DNAH11: variants seen among roughly 807,000 people sequenced by gnomAD.
The protein encoded by DNAH11 is dynein axonemal heavy chain 11, also known as axonemal beta dynein heavy chain 11.
Under a neutral mutation model 526.0 loss-of-function variants are expected in DNAH11, and 442 were observed. The observed-to-expected ratio is 0.84, with a 90% CI of 0.78 to 0.91. DNAH11 has a LOEUF of 0.91. Among genes scored for constraint, DNAH11 ranks in the 40% least tolerant of loss-of-function variants. DNAH11 has a pLI of 0.00. For synonymous variants in DNAH11, 2,461 were observed against 1,935.9 expected (o/e 1.27, Z -7.12); for missense variants, 6,989 against 5,448.7 (o/e 1.28, Z -8.90).
chr7:21,679,977 G>A (rs1052140540), intron 30 of DNAH11, among the ~76,000 whole-genome samples: 12 of 152,140 alleles, frequency 7.9e-5, no homozygotes, highest in South Asian at 6.2e-4. Context: ...CCATTCACTC[G>A]TCATTTAGCA....
intron 54 of DNAH11, among the ~76,000 whole-genome samples, chr7:21,759,012 T>A (rs887709880): frequency 1.3e-5 from 2 of 152,184 alleles, no homozygotes; most frequent in African/African-American, 2.4e-5. Context: ...AAAATAGGCA[T>A]CTGATTTTCT....
intron 55 of DNAH11, among the ~76,000 whole-genome samples, chr7:21,771,498 C>G (rs1787432922): frequency 6.6e-6 from 1 of 152,074 alleles, no homozygotes; most frequent in African/African-American, 2.4e-5. Flanking sequence ...GACAGTGAGC[C>G]AACTGAGAGA....
In DNAH11 at chr7:21,748,706, C is replaced by G; in HGVS notation, c.8637C>G (p.Ile2879Met). The part of the protein sequence containing the change: ...AYLRGLEVFQ[I>M]TLTEGYGIQE... ...TTCGTGGCCTTGAGGTCTTTCAGAT[C>G]ACTCTGACCGAGGGCTATGGAATCC... The change falls in exon 52 of 82, where the codon ATC becomes ATG. Residue 2879 changes from isoleucine to methionine, a missense_variant. By Grantham distance (10) the Ile-to-Met change is conservative. Transcript: ENST00000409508. 6.2e-7 allele frequency: 1 copy of G among 1,613,466 alleles called. No homozygotes were observed. Among genetic ancestry groups the G allele is most frequent in the Non-Finnish European group, 8.5e-7 (1 of 1,179,656 alleles).
chr7:21,827,107 A>G (rs535487808), intron 65 of DNAH11, among the ~76,000 whole-genome samples: 52 of 152,334 alleles, frequency 3.4e-4, no homozygotes, highest in African/African-American at 1.2e-3. Flanking sequence ...CATCAATAGC[A>G]CATTAAATCT....
intron 42 of DNAH11, among the ~76,000 whole-genome samples, chr7:21,713,721 C>A (rs1784545947): frequency 6.6e-6 from 1 of 152,144 alleles, no homozygotes; most frequent in Non-Finnish European, 1.5e-5. Context: ...GGCTGCCTTT[C>A]CTGTGTGTAC....
intron 68 of DNAH11, among the ~76,000 whole-genome samples, chr7:21,857,190 A>C (rs1273441960): frequency 6.6e-6 from 1 of 152,218 alleles, no homozygotes; most frequent in Non-Finnish European, 1.5e-5. Context: ...AGTGGAAAAT[A>C]AAATCAGTGT....
chr7:21,641,254 T>C (rs1365412927), intron 28 of DNAH11, among the ~76,000 whole-genome samples: 1 of 152,080 alleles, frequency 6.6e-6, no homozygotes, highest in East Asian at 1.9e-4. Context: ...AGAGTGGAGG[T>C]TGGGGGACCC....
At position 21,792,449 on chromosome 7, in the gene DNAH11, T is replaced by C. The variant is rs931162744; in HGVS notation, c.10026+3107T>C. Among the ~76,000 whole-genome samples the C allele has an allele frequency of 2.6e-5, 4 of 152,192 alleles. No individual in the cohort carries two copies. In the South Asian group the frequency reaches 8.3e-4, roughly 32 times the overall value. On this transcript the variant is annotated intron_variant, in intron 61 of 81. Transcript: ENST00000409508. ...GAGTGTGGAAGTATTCCCTCTTCAA[T>C]TTTTTGAAAAAGTTTGAGTAGAATT...
At chr7:21,845,643 G>A (rs1196123771) in intron 66 of DNAH11, among the ~76,000 whole-genome samples, 1 of 151,998 alleles carries the variant, frequency 6.6e-6, no homozygotes, top group Non-Finnish European at 1.5e-5. Context: ...TGATAGTCTG[G>A]AAGCCAAGTA....
At chr7:21,667,569 A>G (rs1228692570) in intron 30 of DNAH11, among the ~76,000 whole-genome samples, 1 of 152,138 alleles carries the variant, frequency 6.6e-6, no homozygotes. Flanking sequence ...GATCCCCACA[A>G]TGAGAGATGG....
At chr7:21,619,720 G>T (rs947992179) in intron 24 of DNAH11, among the ~76,000 whole-genome samples, 1 of 152,114 alleles carries the variant, frequency 6.6e-6, no homozygotes, top group Non-Finnish European at 1.5e-5. Context: ...GGTTAGGGAT[G>T]ATAAACTCAC....
At chr7:21,814,222 G>A (rs553783058) in intron 63 of DNAH11, among the ~76,000 whole-genome samples, 9 of 152,272 alleles carry the variant, frequency 5.9e-5, no homozygotes, top group Non-Finnish European at 1.0e-4. Context: ...GGAGCATGCA[G>A]AACTAGAAAT....
At chr7:21,691,176 TTC>T (rs1388079107) in intron 35 of DNAH11, among the ~76,000 whole-genome samples, 2 of 72,332 alleles carry the variant, frequency 2.8e-5, no homozygotes, top group East Asian at 7.4e-4. Flanking sequence ...AATTTTTTTT[TTC>T]TTTTTTTTTT....
intron 28 of DNAH11, among the ~76,000 whole-genome samples, chr7:21,648,097 G>A (rs1787441896): frequency 1.3e-5 from 2 of 152,186 alleles, no homozygotes; most frequent in South Asian, 4.1e-4. Context: ...AAATACTGGT[G>A]CTGTTGATTA....
At chr7:21,585,726 T>A (rs978509672) in intron 9 of DNAH11, among the ~76,000 whole-genome samples, 2 of 152,196 alleles carry the variant, frequency 1.3e-5, no homozygotes, top group Non-Finnish European at 2.9e-5. Flanking sequence ...CACAGATTTT[T>A]AAAAATCTTT....
At chr7:21,797,353 G>A (rs545402691) in intron 61 of DNAH11, among the ~76,000 whole-genome samples, 2 of 148,628 alleles carry the variant, frequency 1.3e-5, no homozygotes, top group East Asian at 3.9e-4. Context: ...CCGAGTAGCT[G>A]GCATTACAGG....
At position 21,644,460 on chromosome 7, in the gene DNAH11, G is replaced by A. The variant is rs932963378; in HGVS notation, c.4944+5395G>A. Among the ~76,000 whole-genome samples, 7 of 152,252 alleles carry A rather than the reference G, an allele frequency of 4.6e-5. No individual in the cohort carries two copies. The East Asian group carries it at 1.4e-3, about 29-fold the overall frequency. ...TACGTGCATGGTAAGTTGAGGGCGT[G>A]TAAGAATGAATGAGTTTTAGTTAAA... On this transcript the variant is annotated intron_variant, in intron 28 of 81. Coordinates refer to ENST00000409508, the MANE Select transcript of DNAH11 (RefSeq NM_001277115.2).
chr7:21,762,191 T>C (rs1786951639), intron 54 of DNAH11, among the ~76,000 whole-genome samples: 1 of 152,130 alleles, frequency 6.6e-6, no homozygotes, highest in Non-Finnish European at 1.5e-5. Context: ...GAGATGAGAT[T>C]TGGGTATGGA....
intron 12 of DNAH11, among the ~76,000 whole-genome samples, 184 bp from the exon 13 acceptor site, chr7:21,590,734 C>A (rs1005547907): frequency 5.4e-5 from 8 of 147,380 alleles, no homozygotes; most frequent in African/African-American, 1.5e-4. Flanking sequence ...ATTCATATAC[C>A]TTTACTATAT....
Sources: gnomAD v4.1 joint callset for allele counts (sites outside exome capture counted in the v4.1 genomes callset) on GRCh38, gnomAD v4.1.1 for gene constraint, MANE v1.5 for transcripts, NCBI Gene and HGNC (gene_info 2026-07-23, HGNC 2026-07-21) for gene names.